PBX1: variants seen among roughly 807,000 people sequenced by gnomAD.
PBX1 encodes the protein pre-B-cell leukemia transcription factor 1.
Under a neutral mutation model 53.4 loss-of-function variants are expected in PBX1, and 6 were observed. The ratio of observed to expected loss-of-function variants is 0.11; its 90% CI spans 0.06 to 0.22. PBX1 has a LOEUF of 0.22. PBX1 is among the 10% of genes least tolerant of loss of function. The pLI, the probability that PBX1 is intolerant of heterozygous loss-of-function variation, is 1.00. For missense variants in PBX1, 251 were observed against 551.4 expected (o/e 0.46, Z 5.46); for synonymous variants, 204 against 212.3 (o/e 0.96, Z 0.34).
At chr1:164,756,390 A>G (rs1184220921) in intron 2 of PBX1, among the ~76,000 whole-genome samples, 1 of 152,202 alleles carries the variant, frequency 6.6e-6, no homozygotes, top group East Asian at 1.9e-4. Context: ...GCATTGCGAA[A>G]CGTTAAAAAT....
rs1046982573 is a variant in PBX1 at position 164,849,245 on chromosome 1, C to T, written c.*2569C>T. ...AGATCAGAACAGGGCTACATTTGCA[C>T]AGGCAGTTTCTCTCCGGGCCGTAGT... On this transcript the variant is annotated 3_prime_UTR_variant, in exon 9 of 9. Transcript: ENST00000420696. The T allele has an allele frequency of 6.6e-6, 10 of 1,516,010 alleles. No homozygotes were observed. The highest frequency in any genetic ancestry group is 1.4e-5 in the African/African-American group (1 of 72,822). The allele number at this position is 1,516,010 out of a possible 1,614,324, so 93.9% of individuals were successfully genotyped here.
intron 2 of PBX1, among the ~76,000 whole-genome samples, chr1:164,577,297 A>T (rs1482321720): frequency 2.6e-5 from 4 of 152,088 alleles, no homozygotes; most frequent in African/African-American, 9.7e-5. Context: ...TTTCTTTAAC[A>T]CTTGAAGAAG....
At chr1:164,699,701 G>A (rs1663002604) in intron 2 of PBX1, among the ~76,000 whole-genome samples, 2 of 152,122 alleles carry the variant, frequency 1.3e-5, no homozygotes, top group Admixed American at 6.5e-5. Context: ...GTCCCTTCAG[G>A]TCTGTTAAGT....
intron 2 of PBX1, among the ~76,000 whole-genome samples, chr1:164,671,875 T>G (rs1661135173): frequency 6.6e-6 from 1 of 152,194 alleles, no homozygotes; most frequent in South Asian, 2.1e-4. Context: ...AGAGCCTGCT[T>G]GCCCATATGC....
chr1:164,881,754 G>C (rs1672665587), intron 2 of PBX1, among the ~76,000 whole-genome samples: 1 of 152,210 alleles, frequency 6.6e-6, no homozygotes, highest in South Asian at 2.1e-4. Context: ...TGGTGAGGCT[G>C]TAAGTTACAT....
At chr1:164,682,265 G>A (rs949741103) in intron 2 of PBX1, 1 of 152,176 alleles carries the variant, frequency 6.6e-6, no homozygotes, top group Non-Finnish European at 1.5e-5. Context: ...TGGAGAGAGA[G>A]CAGACACTTC....
intron 8 of PBX1, among the ~76,000 whole-genome samples, 165 bp from the exon 9 acceptor site, chr1:164,846,419 T>C (rs763362725): frequency 2.6e-5 from 4 of 152,122 alleles, no homozygotes; most frequent in African/African-American, 7.2e-5. Context: ...TATTTGAGGG[T>C]GGGGGCAATA....
At chr1:164,670,158 G>T (rs1022677023) in intron 2 of PBX1, among the ~76,000 whole-genome samples, 12 of 152,196 alleles carry the variant, frequency 7.9e-5, no homozygotes, top group African/African-American at 2.7e-4. Flanking sequence ...CCATGGAAAA[G>T]GAATATTTGG....
intron 2 of PBX1, among the ~76,000 whole-genome samples, chr1:164,679,363 A>G: frequency 6.6e-6 from 1 of 152,182 alleles, no homozygotes; most frequent in Non-Finnish European, 1.5e-5. Context: ...TGCTGTGGAC[A>G]TCACAGTGGG....
intron 2 of PBX1, among the ~76,000 whole-genome samples, chr1:164,762,493 T>G (rs74121216): frequency 0.092 from 14,040 of 152,194 alleles, 725 homozygotes; most frequent in South Asian, 0.16. Flanking sequence ...TTAAAAAATA[T>G]AAAGTGTGCT....
intron 8 of PBX1, among the ~76,000 whole-genome samples, chr1:164,845,684 A>G (rs1239945880): frequency 1.3e-5 from 2 of 152,182 alleles, no homozygotes; most frequent in African/African-American, 2.4e-5. Flanking sequence ...TTTTTAGAAC[A>G]GTTTTAACAG....
chr1:164,669,233 C>T (rs1412394956), intron 2 of PBX1, among the ~76,000 whole-genome samples: 4 of 152,030 alleles, frequency 2.6e-5, no homozygotes, highest in Non-Finnish European at 4.4e-5. Context: ...GGCTATGATT[C>T]TATATGAGCA....
intron 2 of PBX1, among the ~76,000 whole-genome samples, chr1:164,639,984 A>G (rs1355891315): frequency 6.6e-6 from 1 of 152,106 alleles, no homozygotes; most frequent in African/African-American, 2.4e-5. Flanking sequence ...TAAAAAAAAA[A>G]AGAAATCCTA....
intron 2 of PBX1, among the ~76,000 whole-genome samples, chr1:164,767,468 AG>A (rs1667120031): frequency 6.6e-6 from 1 of 152,060 alleles, no homozygotes; most frequent in Non-Finnish European, 1.5e-5. Context: ...CCCGGAGAGG[AG>A]GAGTGGACAG....
intron 2 of PBX1, among the ~76,000 whole-genome samples, chr1:164,639,916 GC>G (rs1659016325): frequency 6.6e-6 from 1 of 151,822 alleles, no homozygotes. Flanking sequence ...CTCCTACCTT[GC>G]CTCTCAAAAT....
intron 2 of PBX1, among the ~76,000 whole-genome samples, chr1:164,601,181 A>G (rs1656142913): frequency 7.1e-6 from 1 of 141,088 alleles, no homozygotes; most frequent in Admixed American, 7.6e-5. Context: ...GGTTGCAGTG[A>G]GCCGAGATTG....
chr1:164,663,246 C>T (rs1379631280), intron 2 of PBX1, among the ~76,000 whole-genome samples: 2 of 134,874 alleles, frequency 1.5e-5, no homozygotes, highest in African/African-American at 5.9e-5. Context: ...TCCTTCCTGC[C>T]TTCCTGCCTG....
chr1:164,683,695 T>G (rs1661922762), intron 2 of PBX1: 1 of 151,340 alleles, frequency 6.6e-6, no homozygotes, highest in Non-Finnish European at 1.5e-5. Flanking sequence ...CTGAACATGG[T>G]CCAGAAACTT....
intron 2 of PBX1, among the ~76,000 whole-genome samples, chr1:164,636,987 T>G (rs1658822651): frequency 6.6e-6 from 1 of 152,154 alleles, no homozygotes; most frequent in African/African-American, 2.4e-5. Flanking sequence ...AACTTTGCAC[T>G]TATAGAAATG....
Sources: gnomAD v4.1 joint callset for allele counts (sites outside exome capture counted in the v4.1 genomes callset) on GRCh38, gnomAD v4.1.1 for gene constraint, MANE v1.5 for transcripts, NCBI Gene and HGNC (gene_info 2026-07-23, HGNC 2026-07-21) for gene names.